The following TRRAP variants were observed in gnomAD, a reference collection of about 807,000 sequenced individuals.
The protein encoded by TRRAP is transformation/transcription domain associated protein, also known as transformation/transcription domain-associated protein.
TRRAP carries 41 observed loss-of-function variants against 438.8 expected under a neutral mutation model. The observed-to-expected ratio is 0.09, with a 90% CI of 0.07 to 0.12. The LOEUF (loss-of-function observed/expected upper bound fraction) is 0.12, where lower values mean the gene tolerates loss of function less well. TRRAP is among the 10% of genes least tolerant of loss of function. TRRAP has a pLI of 1.00. For missense variants in TRRAP, 3,122 were observed against 5,055.1 expected (o/e 0.62, Z 11.60); for synonymous variants, 1,994 against 1,962.9 (o/e 1.02, Z -0.42).
At chr7:98,982,510 A>G (rs191014505) in intron 59 of TRRAP, among the ~76,000 whole-genome samples, 29 of 152,362 alleles carry the variant, frequency 1.9e-4, no homozygotes, top group Admixed American at 1.3e-3. Context: ...GGGCATAGCC[A>G]TAGAAACAAA....
At position 99,005,181 on chromosome 7, in the gene TRRAP, G is replaced by A. The variant is rs764504292; in HGVS notation, c.10586G>A (p.Arg3529Gln). 2.5e-6 allele frequency: 4 copies of A among 1,614,028 alleles called. No individual in the cohort carries two copies. Among genetic ancestry groups the A allele is most frequent in the Non-Finnish European group, 3.4e-6 (4 of 1,180,042 alleles). ...IVQKHNTAARRLYIRGHNGKI... is the reference protein window; with the variant it reads ...IVQKHNTAARQLYIRGHNGKI... ...CAGAAGCACAACACCGCAGCCCGGC[G>A]GCTGTACATCCGGGGACACAATGGC... is the stretch of plus-strand genomic sequence containing the variant. The change falls in exon 69 of 73, where the codon CGG becomes CAG. Residue 3529 changes from arginine (R) to glutamine (Q), a missense_variant. Physicochemically the swap from Arg to Gln is conservative, Grantham distance 43. Transcript: ENST00000456197. This position sits in a 1 kb window ranked among gnomAD's most constrained non-coding sequence, Gnocchi z 5.1.
In TRRAP at chr7:99,005,485, C is replaced by G; in HGVS notation, c.10753+137C>G. 1 of 801,238 alleles carries G rather than the reference C, an allele frequency of 1.2e-6. No individual in the cohort carries two copies. The highest frequency in any genetic ancestry group is 1.7e-5 in the South Asian group (1 of 58,812). The allele number at this position is 801,238 out of a possible 1,614,324, so 49.6% of individuals were successfully genotyped here. A position where few individuals can be genotyped will look rare whatever the true frequency, so the allele number is the denominator to read the frequency against. On this transcript the variant is annotated intron_variant, in intron 69 of 72. Transcript: ENST00000456197. This position sits in a 1 kb window ranked among gnomAD's most constrained non-coding sequence, Gnocchi z 5.1. ...CTGCGTCAGCAGAGAATGTTGTAGTCTGTGCTGACCAGGGAAGGCCTCAGG... is the reference window on the plus strand; with the variant it reads ...CTGCGTCAGCAGAGAATGTTGTAGTGTGTGCTGACCAGGGAAGGCCTCAGG...
Position 98,931,478 on chromosome 7 carries a change from A to G in TRRAP, c.3665A>G (p.Lys1222Arg), listed in dbSNP as rs782144639. ...CTGATGCGGTGCGCAACGCCTTTAA[A>G]AGACGAGGAGAGAGCCGAAGAGATC... is the stretch of plus-strand genomic sequence containing the variant. ...QLLMRCATPL[K>R]DEERAEEIVA... The change falls in exon 26 of 73, where the codon AAA (lysine) becomes AGA (arginine). Residue 1222 changes from lysine to arginine, a missense_variant. Coordinates refer to ENST00000456197, the MANE Select transcript of TRRAP (RefSeq NM_001375524.1). The G allele has an allele frequency of 6.2e-7, 1 of 1,614,168 alleles. No individual in the cohort carries two copies. The highest frequency in any genetic ancestry group is 8.5e-7 in the Non-Finnish European group (1 of 1,180,004).
intron 33 of TRRAP, among the ~76,000 whole-genome samples, chr7:98,947,130 A>G (rs1417664612): frequency 1.3e-5 from 2 of 152,252 alleles, no homozygotes; most frequent in East Asian, 3.9e-4. Flanking sequence ...GCAGCACGGC[A>G]CATTGGAACG....
intron 8 of TRRAP, 138 bp downstream of exon 8, chr7:98,898,004 T>C: frequency 7.3e-7 from 1 of 1,376,406 alleles, no homozygotes; most frequent in South Asian, 1.3e-5. Context: ...TCACTGGTCC[T>C]TCTCTGCAGC....
chr7:98,906,365 A>G, intron 13 of TRRAP, 110 bp downstream of exon 13: 4 of 606,322 alleles, frequency 6.6e-6, no homozygotes, highest in South Asian at 3.2e-5. Context: ...GCCTTGACAC[A>G]CCTGTTAGGT....
In TRRAP at chr7:98,984,106, C is replaced by G; in HGVS notation, c.9036C>G (p.Ala3012=). The G allele has an allele frequency of 6.2e-7, 1 of 1,607,502 alleles. No individual in the cohort carries two copies. The highest frequency in any genetic ancestry group is 8.5e-7 in the Non-Finnish European group (1 of 1,176,510). Residue 3012 remains alanine, a synonymous_variant, in exon 61 of 73, where the codon GCC becomes GCG. Transcript: ENST00000456197. ...TTTGCCCTCTAGCGATTGTAACTGC[C>G]TATGAGAATAGCTCTCAGCATGATC... is the stretch of plus-strand genomic sequence containing the variant. ...RQHHYQAIVT[A]YENSSQHDPS... is the part of the protein sequence containing the mutation.
chr7:98,975,981 G>A (rs917668463), intron 53 of TRRAP, 168 bp from the exon 54 acceptor site: 4 of 896,298 alleles, frequency 4.5e-6, no homozygotes, highest in African/African-American at 1.7e-5. Flanking sequence ...CCACCACTCA[G>A]GATCTGTGGG....
chr7:98,940,242 A>G (rs939345222), intron 30 of TRRAP, among the ~76,000 whole-genome samples: 27 of 149,762 alleles, frequency 1.8e-4, no homozygotes, highest in African/African-American at 6.4e-4. Context: ...AGACTGGAGT[A>G]CAGTGGCGCG....
At position 98,978,915 on chromosome 7, in the gene TRRAP, C is replaced by A; in HGVS notation, c.8634+11C>A. On this transcript the variant is annotated intron_variant, in intron 58 of 72. Transcript: ENST00000456197. ...GAGGCGCTGGTGCAGGTGAGACGCC[C>A]CGGGGGCATCCCTGCCGCTGCCTGG... is the stretch of plus-strand genomic sequence containing the variant. 1 of 1,613,334 alleles carries A rather than the reference C, an allele frequency of 6.2e-7. No homozygotes were observed. The highest frequency in any genetic ancestry group is 1.1e-5 in the South Asian group (1 of 91,076).
intron 53 of TRRAP, among the ~76,000 whole-genome samples, chr7:98,975,501 C>T (rs747826290): frequency 1.3e-5 from 2 of 152,210 alleles, no homozygotes; most frequent in African/African-American, 2.4e-5. Context: ...ATCAGATCTT[C>T]AAAAACAAGA....
At chr7:98,881,311 G>C in intron 2 of TRRAP, 61 bp downstream of exon 2, 1 of 1,490,470 alleles carries the variant, frequency 6.7e-7, no homozygotes. Flanking sequence ...GGTGGCTCAC[G>C]TCTGTAATCC....
intron 70 of TRRAP, among the ~76,000 whole-genome samples, chr7:99,010,277 T>G (rs575542578): frequency 4.6e-5 from 7 of 152,354 alleles, no homozygotes; most frequent in African/African-American, 1.7e-4. Flanking sequence ...CTGACAAAGT[T>G]GATTTTGATG....
In TRRAP at chr7:98,948,532, G is replaced by A. The variant is rs75286284; in HGVS notation, c.4669-34G>A. ...CAGCCTCAAGCTCTGAGAAGAGGAA[G>A]TTGTGAGATGCAGCATTCCCACATG... On this transcript the variant is annotated intron_variant, in intron 34 of 72. Transcript: ENST00000456197. The surrounding 1 kb of genome is among the most constrained non-coding windows in gnomAD (Gnocchi z 4.9). 60,751 of 1,614,096 alleles carry A rather than the reference G, an allele frequency of 0.038. 1,244 individuals carry two copies. Among genetic ancestry groups the A allele is most frequent in the Middle Eastern group, 0.062 (375 of 6,040 alleles).
At chr7:98,959,244 C>CAGGT in intron 44 of TRRAP, 100 bp from the exon 45 acceptor site, 1 of 1,489,314 alleles carries the variant, frequency 6.7e-7, no homozygotes, top group Non-Finnish European at 9.1e-7. Context: ...AGATCTGAGA[C>CAGGT]AGGTGTAAGG....
At chr7:98,980,653 A>G (rs1236833558) in intron 58 of TRRAP, among the ~76,000 whole-genome samples, 2 of 152,248 alleles carry the variant, frequency 1.3e-5, no homozygotes, top group Admixed American at 1.3e-4. Context: ...TGGCTTTAAA[A>G]TGACAGTAAA....
At chr7:98,920,193 G>A (rs962072709) in intron 20 of TRRAP, among the ~76,000 whole-genome samples, 9 of 152,116 alleles carry the variant, frequency 5.9e-5, no homozygotes, top group African/African-American at 1.2e-4. Flanking sequence ...ATTTATGGCC[G>A]GGTGCGGTGG....
chr7:98,998,269 T>G (rs1239454035), intron 67 of TRRAP, among the ~76,000 whole-genome samples: 1 of 152,164 alleles, frequency 6.6e-6, no homozygotes, highest in East Asian at 1.9e-4. Flanking sequence ...ATTTTTAACT[T>G]TTCAGAGCTT....
In TRRAP at chr7:98,981,820, G is replaced by A. The variant is rs982532935; in HGVS notation, c.8686G>A (p.Gly2896Arg). 6.2e-7 allele frequency: 1 copy of A among 1,605,048 alleles called. No individual in the cohort carries two copies. The highest frequency in any genetic ancestry group is 8.5e-7 in the Non-Finnish European group (1 of 1,176,322). The change falls in exon 59 of 73, where the codon GGA (glycine) becomes AGA (arginine). Residue 2896 changes from glycine to arginine, a missense_variant. This residue lies in a region of TRRAP where 992 missense variants were observed against 1,281.2 expected (regional missense o/e 0.77). Transcript: ENST00000456197. ...GGCCTGGAAGGTGAACATGTACCGC[G>A]GATACCTGGCCATCTGCCACCCCGA... ...EMAWKVNMYR[G>R]YLAICHPEEQ...
Sources: allele counts gnomAD v4.1 joint callset (sites outside exome capture counted in the v4.1 genomes callset), GRCh38; gene constraint gnomAD v4.1.1; regional missense constraint gnomAD v4.1.1; non-coding constraint Gnocchi (gnomAD v3.1); transcripts MANE v1.5; gene names NCBI Gene and HGNC (gene_info 2026-07-23, HGNC 2026-07-21).